SLC25A31: variants seen among roughly 807,000 people sequenced by gnomAD.
The protein encoded by SLC25A31 is ADP/ATP translocase 4.
In SLC25A31, 40 loss-of-function variants were observed where a neutral mutation model predicts 36.2. That is an observed-to-expected ratio of 1.10 (90% CI 0.86 to 1.44). SLC25A31 has a LOEUF of 1.44. Among genes scored for constraint, SLC25A31 ranks in the 40% most tolerant of loss-of-function variants. The pLI, the probability that SLC25A31 is intolerant of heterozygous loss-of-function variation, is 0.00. For synonymous variants in SLC25A31, 143 were observed against 149.7 expected (o/e 0.96, Z 0.32); for missense variants, 350 against 397.1 (o/e 0.88, Z 1.01).
intron 2 of SLC25A31, among the ~76,000 whole-genome samples, chr4:127,752,071 A>G (rs563734318): frequency 1.2e-4 from 19 of 152,358 alleles, no homozygotes; most frequent in Non-Finnish European, 2.1e-4. Flanking sequence ...ATTACTGAGT[A>G]TATACCCAAA....
chr4:127,733,627 G>T (rs1333703375), intron 1 of SLC25A31, among the ~76,000 whole-genome samples: 1 of 152,106 alleles, frequency 6.6e-6, no homozygotes, highest in Non-Finnish European at 1.5e-5. Flanking sequence ...TTTTGGTATG[G>T]TCATGACCTA....
rs1002748876 is a variant in SLC25A31 at position 127,738,015 on chromosome 4, A to G, written c.233-6657A>G. 1.2e-4 allele frequency among the ~76,000 whole-genome samples: 18 copies of G among 152,288 alleles called. 1 individual carries two copies. In the South Asian group the frequency reaches 3.7e-3, roughly 32 times the overall value. On this transcript the variant is annotated intron_variant, in intron 1 of 5. Transcript: ENST00000281154. Reference sequence around the variant, plus strand: ...AGTGGCCATTAATAGTTAAAAAGCCATGTGTAAAATAGCCTTCAAAAACCA... The same window carrying G: ...AGTGGCCATTAATAGTTAAAAAGCCGTGTGTAAAATAGCCTTCAAAAACCA...
intron 1 of SLC25A31, among the ~76,000 whole-genome samples, chr4:127,737,451 C>T (rs1463834191): frequency 1.3e-5 from 2 of 152,214 alleles, no homozygotes; most frequent in Non-Finnish European, 2.9e-5. Context: ...ATAAATCTGA[C>T]ACTCTGTCAT....
rs1387991221 is a variant in SLC25A31 at position 127,764,246 on chromosome 4, TG to T, written c.366del (p.Trp122Ter). The T allele has an allele frequency of 1.2e-6, 2 of 1,613,680 alleles. No individual in the cohort carries two copies. The highest frequency in any genetic ancestry group is 4.5e-5 in the East Asian group (2 of 44,862). On this transcript the variant is annotated frameshift_variant, in exon 3 of 6. Transcript: ENST00000281154. LOFTEE classifies it high-confidence loss of function. ...MSGVNKEKQF[W>X]RWFLANLASG... ...CTTTTAAATTAATATGTTTCAGTTC[TG>T]GAGGTGGTTTTTGGCAAACCTGGCT...
intron 3 of SLC25A31, among the ~76,000 whole-genome samples, chr4:127,766,281 C>T (rs1269997760): frequency 1.3e-5 from 2 of 151,990 alleles, no homozygotes; most frequent in African/African-American, 2.4e-5. Context: ...AGTTCTCCTG[C>T]CTCAGCCTCC....
chr4:127,749,691 A>G (rs1448433247), intron 2 of SLC25A31, among the ~76,000 whole-genome samples: 1 of 143,650 alleles, frequency 7.0e-6, no homozygotes, highest in African/African-American at 2.6e-5. Context: ...CCTGGGTGAC[A>G]GAGTGAGACT....
At position 127,761,559 on chromosome 4, in the gene SLC25A31, G is replaced by A. The variant is rs554804545; in HGVS notation, c.361-2684G>A. Among the ~76,000 whole-genome samples, 280 of 152,244 alleles carry A rather than the reference G, an allele frequency of 1.8e-3. 2 individuals are homozygous for A. Among genetic ancestry groups the A allele is most frequent in the African/African-American group, 6.3e-3 (263 of 41,542 alleles). Reference sequence around the variant, plus strand: ...TTCTCTCTAATTACCTGCTTTTAGTGTGTGTGTTTGCTCTGTTTTCTCATT... The same window carrying A: ...TTCTCTCTAATTACCTGCTTTTAGTATGTGTGTTTGCTCTGTTTTCTCATT... On this transcript the variant is annotated intron_variant, in intron 2 of 5. Transcript: ENST00000281154.
intron 2 of SLC25A31, among the ~76,000 whole-genome samples, chr4:127,757,390 A>T (rs1732051472): frequency 6.6e-6 from 1 of 152,090 alleles, no homozygotes. Context: ...TGAAGTATTT[A>T]ATTTTCTGTT....
chr4:127,741,710 G>C (rs930988029), intron 1 of SLC25A31, among the ~76,000 whole-genome samples: 3 of 152,070 alleles, frequency 2.0e-5, no homozygotes, highest in Non-Finnish European at 4.4e-5. Flanking sequence ...CTTTGGTACC[G>C]GGGTAATGTT....
chr4:127,731,372 T>TAA (rs778940072), intron 1 of SLC25A31, among the ~76,000 whole-genome samples: 3 of 141,338 alleles, frequency 2.1e-5, no homozygotes, highest in African/African-American at 5.2e-5. Flanking sequence ...AAGGGGGCCC[T>TAA]AAAAAAAAAA....
intron 5 of SLC25A31, among the ~76,000 whole-genome samples, chr4:127,770,909 T>G (rs1732344872): frequency 6.6e-6 from 1 of 151,684 alleles, no homozygotes; most frequent in Non-Finnish European, 1.5e-5. Flanking sequence ...GCTGTCTTCT[T>G]CCTGTGTTTT....
At chr4:127,760,948 A>G (rs1383469550) in intron 2 of SLC25A31, among the ~76,000 whole-genome samples, 2 of 152,174 alleles carry the variant, frequency 1.3e-5, no homozygotes, top group Non-Finnish European at 2.9e-5. Context: ...GGCGGGGGGA[A>G]AACACCAATA....
intron 2 of SLC25A31, among the ~76,000 whole-genome samples, chr4:127,749,015 A>T (rs889911311): frequency 3.3e-5 from 5 of 152,178 alleles, no homozygotes; most frequent in African/African-American, 1.2e-4. Flanking sequence ...ACTGAATGAA[A>T]ATAGGAAAAC....
chr4:127,764,160 T>C, intron 2 of SLC25A31, 83 bp from the exon 3 acceptor site: 1 of 1,196,950 alleles, frequency 8.4e-7, no homozygotes, highest in Non-Finnish European at 1.2e-6. Flanking sequence ...TGTTTTAACA[T>C]TTATAAAAAT....
intron 1 of SLC25A31, among the ~76,000 whole-genome samples, chr4:127,741,602 A>G (rs533486010): frequency 2.6e-5 from 4 of 152,264 alleles, no homozygotes; most frequent in South Asian, 4.1e-4. Flanking sequence ...TTATCATTAT[A>G]TTGAATTCAA....
At chr4:127,748,417 C>T (rs1731862701) in intron 2 of SLC25A31, among the ~76,000 whole-genome samples, 1 of 152,132 alleles carries the variant, frequency 6.6e-6, no homozygotes, top group Non-Finnish European at 1.5e-5. Context: ...TTGGTTCCAG[C>T]CCCTGTCACC....
intron 5 of SLC25A31, among the ~76,000 whole-genome samples, chr4:127,771,177 G>A (rs1349007887): frequency 6.6e-6 from 1 of 151,698 alleles, no homozygotes; most frequent in Non-Finnish European, 1.5e-5. Context: ...GGCTGGTCTC[G>A]AACTCCTGAG....
chr4:127,762,433 G>A (rs1346862144), intron 2 of SLC25A31, among the ~76,000 whole-genome samples: 6 of 152,152 alleles, frequency 3.9e-5, no homozygotes, highest in African/African-American at 4.8e-5. Flanking sequence ...GAGGTAGGGA[G>A]GATGTGGAGT....
chr4:127,749,937 G>T (rs1055965694), intron 2 of SLC25A31, among the ~76,000 whole-genome samples: 5 of 151,856 alleles, frequency 3.3e-5, no homozygotes, highest in Non-Finnish European at 7.4e-5. Flanking sequence ...CAAAAACAAA[G>T]AATTTTAAAA....
Sources: gnomAD v4.1 joint callset for allele counts (sites outside exome capture counted in the v4.1 genomes callset) on GRCh38, gnomAD v4.1.1 for gene constraint, MANE v1.5 for transcripts, NCBI Gene and HGNC (gene_info 2026-07-23, HGNC 2026-07-21) for gene names.